SEC31A: variants seen among roughly 807,000 people sequenced by gnomAD.
SEC31A encodes the protein protein transport protein Sec31A.
A neutral mutation model predicts 151.0 loss-of-function variants in SEC31A; 70 were observed. That is an observed-to-expected ratio of 0.46 (90% confidence interval 0.38 to 0.57). The LOEUF is 0.57. Ranked by LOEUF, SEC31A falls within the 20% of genes least tolerant of loss-of-function variation. The probability of loss-of-function intolerance (pLI) is 0.00; values close to 1 mark genes in which losing one functional copy is unlikely to be tolerated. For missense variants in SEC31A, 1,330 were observed against 1,471.2 expected (o/e 0.90, Z 1.57); for synonymous variants, 475 against 505.9 (o/e 0.94, Z 0.82).
intron 14 of SEC31A, among the ~76,000 whole-genome samples, chr4:82,859,353 G>A (rs1733536099): frequency 6.6e-6 from 1 of 152,226 alleles, no homozygotes; most frequent in South Asian, 2.1e-4. Context: ...GAAATATAAT[G>A]GGGGCATTTT....
intron 14 of SEC31A, among the ~76,000 whole-genome samples, chr4:82,860,043 C>A (rs552757093): frequency 6.6e-6 from 1 of 152,126 alleles, no homozygotes; most frequent in Non-Finnish European, 1.5e-5. Context: ...CTGCCCGCCT[C>A]GGCCTCCCAA....
intron 3 of SEC31A, among the ~76,000 whole-genome samples, chr4:82,899,344 G>C (rs1236862119): frequency 6.6e-6 from 1 of 152,212 alleles, no homozygotes; most frequent in Non-Finnish European, 1.5e-5. Flanking sequence ...AATTAGTTGT[G>C]TGGTATGAGA....
At chr4:82,836,644 T>C (rs1468712632) in intron 22 of SEC31A, among the ~76,000 whole-genome samples, 1 of 152,102 alleles carries the variant, frequency 6.6e-6, no homozygotes, top group African/African-American at 2.4e-5. Context: ...ATTCTACTTA[T>C]ATAAGGTACC....
chr4:82,821,615 G>C (rs1019010009), intron 25 of SEC31A, among the ~76,000 whole-genome samples: 1 of 149,570 alleles, frequency 6.7e-6, no homozygotes, highest in Non-Finnish European at 1.5e-5. Context: ...CATCTATCAA[G>C]GGTGGAGGGT....
rs147450569 is a variant in SEC31A at position 82,832,766 on chromosome 4, A to G, written c.2969-3708T>C. Among the ~76,000 whole-genome samples the G allele has an allele frequency of 8.8e-4, 134 of 152,358 alleles. 2 individuals carry two copies. The East Asian group carries it at 0.025, about 29-fold the overall frequency. ...AAATGATATGAACAGACACTTCTCA[A>G]AAGAAGACATTTATACAGCCAGCAG... On this transcript the variant is annotated intron_variant, in intron 22 of 26. Coordinates refer to ENST00000395310, the MANE Select transcript of SEC31A (RefSeq NM_001077207.4).
intron 6 of SEC31A, among the ~76,000 whole-genome samples, chr4:82,873,917 C>T (rs762246632): frequency 1.2e-4 from 19 of 152,048 alleles, no homozygotes; most frequent in Non-Finnish European, 2.8e-4. Flanking sequence ...GAGATGAGGC[C>T]AAGAAGTCAA....
chr4:82,848,313 C>CAAAAAAAAA (rs10655108), intron 20 of SEC31A, among the ~76,000 whole-genome samples: 1 of 142,396 alleles, frequency 7.0e-6, no homozygotes, highest in Non-Finnish European at 1.5e-5. Flanking sequence ...CTAAATTGTC[C>CAAAAAAAAA]AAAAAAAAAA....
chr4:82,841,467 T>TATATATATATATATATATAA (rs1339344582), intron 22 of SEC31A, among the ~76,000 whole-genome samples: 1 of 103,562 alleles, frequency 9.7e-6, no homozygotes, highest in Non-Finnish European at 2.0e-5. Flanking sequence ...TATATATATA[T>TATATATATATATATATATAA]ACACACACAC....
intron 20 of SEC31A, among the ~76,000 whole-genome samples, chr4:82,846,021 A>ACGGAGTGGAGTCTCACTCTGT (rs1355967064): frequency 6.6e-6 from 1 of 151,768 alleles, no homozygotes; most frequent in African/African-American, 2.4e-5. Flanking sequence ...TTTTTCCGAG[A>ACGGAGTGGAGTCTCACTCTGT]CGGAGTGGAG....
chr4:82,849,101 ACAATAGAC>A, intron 19 of SEC31A, 124 bp from the exon 20 acceptor site: 1 of 823,216 alleles, frequency 1.2e-6, no homozygotes, highest in Admixed American at 2.6e-5. Flanking sequence ...TGGGTATTAT[ACAATAGAC>A]CCTGACACAC....
At chr4:82,852,585 CA>C (rs1279838337) in intron 18 of SEC31A, among the ~76,000 whole-genome samples, 1 of 137,090 alleles carries the variant, frequency 7.3e-6, no homozygotes, top group African/African-American at 3.0e-5. Flanking sequence ...ATTTCCTACC[CA>C]TTTTTTTTGT....
In SEC31A at chr4:82,818,987, T is replaced by G; in HGVS notation, c.*87A>C. Reference sequence around the variant, plus strand: ...ACTGGTTGCTATGCAAACATGCTAATGAGGACTAGTCCATGTCTTATAATT... The same window carrying G: ...ACTGGTTGCTATGCAAACATGCTAAGGAGGACTAGTCCATGTCTTATAATT... On this transcript the variant is annotated 3_prime_UTR_variant, in exon 27 of 27. Transcript: ENST00000395310. 9.5e-7 allele frequency: 1 copy of G among 1,055,356 alleles called. No individual in the cohort carries two copies. Among genetic ancestry groups the G allele is most frequent in the East Asian group, 2.5e-5 (1 of 39,676 alleles). The allele number at this position is 1,055,356 out of a possible 1,614,324, so 65.4% of individuals were successfully genotyped here.
upstream of SEC31A, among the ~76,000 whole-genome samples, chr4:82,892,810 G>T (rs148798052): frequency 6.2e-4 from 94 of 152,240 alleles, no homozygotes; most frequent in African/African-American, 2.1e-3. Flanking sequence ...CAGTACTGTG[G>T]TAATGGAATT....
At position 82,836,732 on chromosome 4, in the gene SEC31A, A is replaced by G. The variant is rs535187047; in HGVS notation, c.2968+5408T>C. On this transcript the variant is annotated intron_variant, in intron 22 of 26. Coordinates refer to ENST00000395310, the MANE Select transcript of SEC31A (RefSeq NM_001077207.4). ...TGTGGGGAACAGAAGCTATTATTTA[A>G]TGGGTACAGTGTTTCAGTATGAGAT... 2.0e-5 allele frequency among the ~76,000 whole-genome samples: 3 copies of G among 152,294 alleles called. No individual in the cohort carries two copies. The East Asian group carries it at 5.8e-4, about 29-fold the overall frequency.
intron 6 of SEC31A, 25 bp from the exon 7 acceptor site, chr4:82,872,111 T>C: frequency 6.3e-7 from 1 of 1,577,820 alleles, no homozygotes; most frequent in Non-Finnish European, 8.7e-7. Flanking sequence ...GGTTCACATT[T>C]TATGAATCAA....
intron 22 of SEC31A, among the ~76,000 whole-genome samples, chr4:82,841,388 A>ACT (rs1027073804): frequency 4.8e-5 from 7 of 145,354 alleles, no homozygotes; most frequent in African/African-American, 9.9e-5. Flanking sequence ...ATGCCATTGC[A>ACT]CTCCAGCCTG....
Position 82,874,606 on chromosome 4 carries a change from C to CTCTG in SEC31A, c.639+4_639+5insCAGA. On this transcript the variant is annotated splice_donor_region_variant and intron_variant, in intron 6 of 26. Transcript: ENST00000395310. Reference sequence around the variant, plus strand: ...ATGTTCATCACAAGTCAATCACATACTTACTCTGTTACTATGGTCACTGAC... The same window carrying CTCTG: ...ATGTTCATCACAAGTCAATCACATACTCTGTTACTCTGTTACTATGGTCACTGAC... 1 of 1,602,670 alleles carries CTCTG rather than the reference C, an allele frequency of 6.2e-7. No individual in the cohort carries two copies. The highest frequency in any genetic ancestry group is 1.8e-5 in the Admixed American group (1 of 55,326).
At chr4:82,823,275 C>A (rs1476127151) in intron 25 of SEC31A, among the ~76,000 whole-genome samples, 1 of 152,160 alleles carries the variant, frequency 6.6e-6, no homozygotes, top group Non-Finnish European at 1.5e-5. Flanking sequence ...GGTGTGTTGT[C>A]ATTCTTATTC....
At chr4:82,825,644 A>G (rs927465217) in intron 24 of SEC31A, among the ~76,000 whole-genome samples, 1 of 152,166 alleles carries the variant, frequency 6.6e-6, no homozygotes, top group Non-Finnish European at 1.5e-5. Context: ...CTCCCAGACA[A>G]TGTTGACTAT....
Sources: allele counts gnomAD v4.1 joint callset (sites outside exome capture counted in the v4.1 genomes callset), GRCh38; gene constraint gnomAD v4.1.1; transcripts MANE v1.5; gene names NCBI Gene and HGNC (gene_info 2026-07-23, HGNC 2026-07-21).